The following RNF217 variants were observed in gnomAD, a reference collection of about 807,000 sequenced individuals.
The protein encoded by RNF217 is E3 ubiquitin-protein ligase RNF217.
Under a neutral mutation model 57.8 loss-of-function variants are expected in RNF217, and 31 were observed. The ratio of observed to expected loss-of-function variants is 0.54; its 90% confidence interval spans 0.40 to 0.72. The LOEUF is 0.72. RNF217 is among the 30% of genes least tolerant of loss of function. The pLI is 0.00. For missense variants in RNF217, 696 were observed against 708.3 expected, an observed-to-expected ratio of 0.98 and a Z score of 0.20; for synonymous variants, 313 against 294.0, an observed-to-expected ratio of 1.06 and a Z score of -0.66.
At position 125,082,499 on chromosome 6, in the gene RNF217, C is replaced by G. The variant is rs767251855; in HGVS notation, c.1556-365C>G. On this transcript the variant is annotated intron_variant, in intron 5 of 5. Coordinates refer to ENST00000521654, the MANE Select transcript of RNF217 (RefSeq NM_001286398.3). ...CCTCATAAGTGGTAGAACCAGGAAT[C>G]AAACCCAACATTTGGCTCCACAGCC... 4 of 1,612,604 alleles carry G rather than the reference C, an allele frequency of 2.5e-6. No homozygotes were observed. In the South Asian group the frequency reaches 4.4e-5, roughly 18 times the overall value.
chr6:125,022,090 C>T (rs1020614614), intron 1 of RNF217, among the ~76,000 whole-genome samples: 3 of 152,064 alleles, frequency 2.0e-5, no homozygotes, highest in African/African-American at 7.2e-5. Context: ...ACCATGTTGG[C>T]CAGGCTGCTC....
At chr6:125,025,247 A>T (rs1262957763) in intron 1 of RNF217, among the ~76,000 whole-genome samples, 1 of 152,144 alleles carries the variant, frequency 6.6e-6, no homozygotes, top group Admixed American at 6.5e-5. Flanking sequence ...GGTGAGACAG[A>T]TAGCAGTGGG....
At chr6:125,079,568 T>G (rs180800655) in intron 4 of RNF217, among the ~76,000 whole-genome samples, 4 of 152,270 alleles carry the variant, frequency 2.6e-5, no homozygotes, top group Admixed American at 6.5e-5. Flanking sequence ...AATGAGATAC[T>G]TTGAGTATTA....
chr6:125,038,678 A>ACTATCAAT (rs1181575710), intron 1 of RNF217, among the ~76,000 whole-genome samples: 1 of 152,150 alleles, frequency 6.6e-6, no homozygotes, highest in Admixed American at 6.6e-5. Flanking sequence ...TTGCTAGAAG[A>ACTATCAAT]CTATCAATGC....
At chr6:125,019,562 A>G (rs1785744542) in intron 1 of RNF217, among the ~76,000 whole-genome samples, 1 of 152,130 alleles carries the variant, frequency 6.6e-6, no homozygotes, top group Admixed American at 6.6e-5. Context: ...AGCTTTCTAT[A>G]CTAATTACAA....
At chr6:125,072,845 A>C (rs1338114372) in intron 3 of RNF217, among the ~76,000 whole-genome samples, 1 of 80,036 alleles carries the variant, frequency 1.2e-5, no homozygotes, top group African/African-American at 1.2e-4. Flanking sequence ...ACTTAGCATA[A>C]TAAAGAAACA....
At chr6:125,070,338 TATA>T (rs1042007023) in intron 3 of RNF217, among the ~76,000 whole-genome samples, 13 of 152,330 alleles carry the variant, frequency 8.5e-5, no homozygotes, top group African/African-American at 2.9e-4. Context: ...GTATTTTTCA[TATA>T]ATGATGTCTG....
rs1447259837 is a variant in RNF217 at position 124,963,436 on chromosome 6, C to A, written c.882+10C>A. The A allele has an allele frequency of 1.4e-6, 2 of 1,449,922 alleles. No individual in the cohort carries two copies. Among genetic ancestry groups the A allele is most frequent in the Admixed American group, 2.6e-5 (1 of 37,904 alleles). 89.8% of individuals were successfully genotyped at this position (1,449,922 alleles called of 1,614,324 possible). A position where few individuals can be genotyped will look rare whatever the true frequency, so the allele number is the denominator to read the frequency against. ...CTACCTGAGCGCCCAGGTAACTTCA[C>A]CCCCTTCTCTTCCCCATTTATCATT... is the stretch of plus-strand genomic sequence containing the variant. On this transcript the variant is annotated intron_variant, in intron 1 of 5. Transcript: ENST00000521654.
At chr6:125,080,110 A>C (rs1788520775) in intron 4 of RNF217, among the ~76,000 whole-genome samples, 1 of 152,130 alleles carries the variant, frequency 6.6e-6, no homozygotes, top group African/African-American at 2.4e-5. Flanking sequence ...AATATGAATG[A>C]ACAGACTGAG....
At chr6:125,014,338 T>G (rs762289038) in intron 1 of RNF217, among the ~76,000 whole-genome samples, 1 of 152,198 alleles carries the variant, frequency 6.6e-6, no homozygotes, top group Admixed American at 6.5e-5. Context: ...ATGCCTTGCA[T>G]GGATTAGCTC....
intron 5 of RNF217, 34 bp downstream of exon 5, chr6:125,081,541 T>G (rs1346756822): frequency 2.7e-6 from 4 of 1,502,274 alleles, no homozygotes; most frequent in Non-Finnish European, 2.8e-6. Flanking sequence ...AGATTAGAAT[T>G]ATCTGAGGGC....
At chr6:124,982,884 C>T (rs1181169413) in intron 1 of RNF217, among the ~76,000 whole-genome samples, 1 of 152,128 alleles carries the variant, frequency 6.6e-6, no homozygotes, top group Non-Finnish European at 1.5e-5. Context: ...GCATTATTCA[C>T]CTGTGTTACC....
chr6:125,028,799 G>A (rs1202991744), intron 1 of RNF217, among the ~76,000 whole-genome samples: 1 of 151,712 alleles, frequency 6.6e-6, no homozygotes, highest in African/African-American at 2.4e-5. Flanking sequence ...TATTTACTGT[G>A]TTAAATTACT....
intron 1 of RNF217, chr6:125,006,231 T>C (rs1785174250): frequency 6.6e-6 from 1 of 152,140 alleles, no homozygotes; most frequent in African/African-American, 2.4e-5. Flanking sequence ...TGAAGAAAAA[T>C]AAGTTATGAA....
chr6:125,034,832 T>C (rs1231687929), intron 1 of RNF217, among the ~76,000 whole-genome samples: 3 of 152,152 alleles, frequency 2.0e-5, no homozygotes, highest in African/African-American at 4.8e-5. Context: ...CCCATGAGCA[T>C]GGAATGTTCT....
intron 2 of RNF217, among the ~76,000 whole-genome samples, chr6:125,052,646 A>G (rs1434995194): frequency 6.6e-6 from 1 of 152,108 alleles, no homozygotes. Context: ...ATTTGATGTT[A>G]TAAGGGAGCA....
intron 2 of RNF217, among the ~76,000 whole-genome samples, chr6:125,051,374 G>A (rs189240868): frequency 4.6e-5 from 7 of 151,754 alleles, no homozygotes; most frequent in Middle Eastern, 3.4e-3. Context: ...CAAGTGTGGT[G>A]TTCCTTATAA....
At position 125,085,220 on chromosome 6, in the gene RNF217, A is replaced by G. The variant is rs1300691589; in HGVS notation, c.*2283A>G. On this transcript the variant is annotated 3_prime_UTR_variant, in exon 6 of 6. Transcript: ENST00000521654. ...TAACTTATCTTTTGGACATATTTTT[A>G]TATTATTTGGAAAACTTTCCAATAT... The G allele has an allele frequency of 1.3e-5, 2 of 151,688 alleles. No individual in the cohort carries two copies. The highest frequency in any genetic ancestry group is 2.4e-5 in the African/African-American group (1 of 41,370). 9.4% of individuals were successfully genotyped at this position (151,688 alleles called of 1,614,324 possible). A position where few individuals can be genotyped will look rare whatever the true frequency, so the allele number is the denominator to read the frequency against.
intron 1 of RNF217, among the ~76,000 whole-genome samples, chr6:124,994,605 G>A (rs940281054): frequency 1.3e-5 from 2 of 152,080 alleles, no homozygotes; most frequent in African/African-American, 4.8e-5. Flanking sequence ...AGAAAAAAAA[G>A]TTAGTTACTA....
Sources: gnomAD v4.1 joint callset for allele counts (sites outside exome capture counted in the v4.1 genomes callset) on GRCh38, gnomAD v4.1.1 for gene constraint, MANE v1.5 for transcripts, NCBI Gene and HGNC (gene_info 2026-07-23, HGNC 2026-07-21) for gene names.